The following COL4A5 variants were observed in gnomAD, a reference collection of about 807,000 sequenced individuals.
The protein encoded by COL4A5 is collagen type IV alpha 5 chain.
A neutral mutation model predicts 130.2 loss-of-function variants in COL4A5; 26 were observed. The observed-to-expected ratio is 0.20, with a 90% confidence interval of 0.15 to 0.28. The LOEUF is 0.28. COL4A5 is among the 10% of genes least tolerant of loss of function. COL4A5 has a pLI of 1.00. For synonymous variants in COL4A5, 496 were observed against 439.6 expected, an observed-to-expected ratio of 1.13 and a Z score of -1.60; for missense variants, 1,131 against 1,344.3, an observed-to-expected ratio of 0.84 and a Z score of 2.48.
At chrX:108,687,345 C>A in intron 48 of COL4A5, 137 bp from the exon 49 acceptor site, 1 of 551,165 alleles carries the variant, frequency 1.8e-6, no homozygotes, top group Non-Finnish European at 3.1e-6. Context: ...CCCATGATAT[C>A]TGACAATGCC....
intron 49 of COL4A5, among the ~76,000 whole-genome samples, chrX:108,690,459 T>C (rs2068625275): frequency 8.9e-6 from 1 of 112,377 alleles, no homozygotes; most frequent in Non-Finnish European, 1.9e-5. Context: ...TTAAGATCTA[T>C]TGGTCTTTTA....
At position 108,680,970 on chromosome X, in the gene COL4A5, C is replaced by G. The variant is rs947147703; in HGVS notation, c.4087+14C>G. 8.5e-7 allele frequency: 1 copy of G among 1,176,986 alleles called. No individual in the cohort carries two copies. Among genetic ancestry groups the G allele is most frequent in the Non-Finnish European group, 1.2e-6 (1 of 864,141 alleles). On this transcript the variant is annotated intron_variant, in intron 46 of 52. Coordinates refer to ENST00000328300, the MANE Select transcript of COL4A5 (RefSeq NM_033380.3). ...TTGGTCCTCCAGGTAAGACTTATTC[C>G]TGAAGATAGTTATACCTGATACTTA...
At position 108,696,599 on chromosome X, in the gene COL4A5, G is replaced by A. The variant is rs2068738996; in HGVS notation, c.*221G>A. 3.6e-6 allele frequency: 1 copy of A among 274,677 alleles called. No homozygotes were observed. The highest frequency in any genetic ancestry group is 2.8e-5 in the African/African-American group (1 of 35,782). The allele number at this position is 274,677 out of a possible 1,213,427, so 22.6% of individuals were successfully genotyped here. ...ATTATTTTTCTACTAAAGAAATAAGGAAGTGAATTTACTTTTTGGGTCCAG... is the reference window on the plus strand; with the variant it reads ...ATTATTTTTCTACTAAAGAAATAAGAAAGTGAATTTACTTTTTGGGTCCAG... On this transcript the variant is annotated 3_prime_UTR_variant, in exon 53 of 53. Transcript: ENST00000328300.
At chrX:108,592,404 T>G (rs765358043) in intron 21 of COL4A5, among the ~76,000 whole-genome samples, 48 of 111,593 alleles carry the variant, frequency 4.3e-4, no homozygotes, top group African/African-American at 1.5e-3. Flanking sequence ...CATACAAATA[T>G]GCTTTTTTCA....
chrX:108,487,476 T>C (rs900566023), intron 1 of COL4A5, among the ~76,000 whole-genome samples: 1 of 111,077 alleles, frequency 9.0e-6, no homozygotes, highest in East Asian at 2.8e-4. Context: ...TATTTTTTTT[T>C]AATTATGGCC....
chrX:108,522,711 C>G (rs2065275633), intron 1 of COL4A5, among the ~76,000 whole-genome samples: 1 of 107,460 alleles, frequency 9.3e-6, no homozygotes, highest in South Asian at 4.2e-4. Flanking sequence ...ATATGATTGG[C>G]AAATACATTT....
intron 2 of COL4A5, among the ~76,000 whole-genome samples, chrX:108,552,531 A>G (rs1358218649): frequency 2.7e-5 from 3 of 112,350 alleles, no homozygotes; most frequent in Non-Finnish European, 5.6e-5. Flanking sequence ...TAATAGTGCC[A>G]TTTAAAATAA....
intron 21 of COL4A5, among the ~76,000 whole-genome samples, chrX:108,593,814 C>T (rs770389026): frequency 7.1e-5 from 8 of 111,916 alleles, no homozygotes; most frequent in Middle Eastern, 4.6e-3. Context: ...ATTACTGTGG[C>T]TTTATTGTAA....
chrX:108,578,477 A>C (rs1447566051), intron 13 of COL4A5, 94 bp downstream of exon 13: 10 of 619,865 alleles, frequency 1.6e-5, no homozygotes, highest in Middle Eastern at 4.9e-4. Context: ...TATGTATATC[A>C]AAACATCACA....
At chrX:108,449,475 A>C (rs1432980467) in intron 1 of COL4A5, among the ~76,000 whole-genome samples, 2 of 112,220 alleles carry the variant, frequency 1.8e-5, no homozygotes, top group Non-Finnish European at 3.8e-5. Context: ...GTAGTTCTCA[A>C]ACTGTGGTCT....
chrX:108,575,913 C>T lies in COL4A5; in HGVS notation c.550C>T (p.Leu184=). The stretch of plus-strand genomic sequence containing the variant: ...TTCTTTACTCACTTTATAACAGGGC[C>T]TACCTGGTCCCACTGGTATACCAGG... The part of the protein sequence containing the change: ...GYPGPPGIQG[L]PGPTGIPGPI... Residue 184 remains leucine (L), a synonymous_variant, in exon 10 of 53, where the codon CTA becomes TTA. Coordinates refer to ENST00000328300, the MANE Select transcript of COL4A5 (RefSeq NM_033380.3). 8.5e-7 allele frequency: 1 copy of T among 1,173,321 alleles called. No homozygotes were observed. The highest frequency in any genetic ancestry group is 1.2e-6 in the Non-Finnish European group (1 of 863,308).
At chrX:108,440,234 C>G (rs757602075) in intron 1 of COL4A5, 28 bp downstream of exon 1, 2 of 1,049,997 alleles carry the variant, frequency 1.9e-6, no homozygotes, top group East Asian at 3.0e-5. Flanking sequence ...TCCCCCGCGC[C>G]CATCACCGCT....
At chrX:108,587,244 A>G (rs928533544) in intron 19 of COL4A5, among the ~76,000 whole-genome samples, 7 of 110,828 alleles carry the variant, frequency 6.3e-5, no homozygotes, top group Non-Finnish European at 7.6e-5. Flanking sequence ...GTTTGTACCC[A>G]TTAACCAACC....
intron 37 of COL4A5, among the ~76,000 whole-genome samples, chrX:108,663,431 A>G (rs1399112607): frequency 8.9e-6 from 1 of 112,024 alleles, no homozygotes; most frequent in East Asian, 2.8e-4. Context: ...GGAATGGAAG[A>G]TCAAAATTGT....
intron 44 of COL4A5, among the ~76,000 whole-genome samples, chrX:108,678,018 T>G (rs963676998): frequency 4.5e-5 from 5 of 111,637 alleles, no homozygotes; most frequent in African/African-American, 1.6e-4. Flanking sequence ...TTAGATAAAG[T>G]TAGGGTCAAA....
chrX:108,493,166 G>A (rs768046904), intron 1 of COL4A5, among the ~76,000 whole-genome samples: 5 of 111,754 alleles, frequency 4.5e-5, no homozygotes, highest in Non-Finnish European at 9.4e-5. Context: ...AAGGGCCAAA[G>A]AGTTTTTAAA....
At chrX:108,464,526 G>T (rs1302338879) in intron 1 of COL4A5, among the ~76,000 whole-genome samples, 1 of 111,741 alleles carries the variant, frequency 8.9e-6, no homozygotes, top group East Asian at 2.8e-4. Flanking sequence ...GGCTTCTTAA[G>T]ATTTTAAATT....
At chrX:108,687,113 C>T (rs1360438638) in intron 48 of COL4A5, among the ~76,000 whole-genome samples, 1 of 112,378 alleles carries the variant, frequency 8.9e-6, no homozygotes, top group Non-Finnish European at 1.9e-5. Flanking sequence ...CTGTTCTCTA[C>T]ACAAAAAGGT....
chrX:108,604,352 C>T (rs1157471550), intron 28 of COL4A5, among the ~76,000 whole-genome samples: 2 of 112,303 alleles, frequency 1.8e-5, no homozygotes, highest in African/African-American at 6.5e-5. Context: ...ATGAAAAGAA[C>T]ATTCATCTCT....
Sources: allele counts gnomAD v4.1 joint callset (sites outside exome capture counted in the v4.1 genomes callset), GRCh38; gene constraint gnomAD v4.1.1; transcripts MANE v1.5; gene names NCBI Gene and HGNC (gene_info 2026-07-23, HGNC 2026-07-21).